The following RASSF4 variants were observed in gnomAD, a reference collection of about 807,000 sequenced individuals.
RASSF4 encodes the protein ras association domain-containing protein 4.
In RASSF4, 38 loss-of-function variants were observed where a neutral mutation model predicts 41.1. The ratio of observed to expected loss-of-function variants is 0.92; its 90% confidence interval spans 0.71 to 1.21. RASSF4 has a LOEUF of 1.21. Among genes scored for constraint, RASSF4 ranks in the 50% most tolerant of loss-of-function variants. RASSF4 has a pLI of 0.00. For synonymous variants in RASSF4, 179 were observed against 163.4 expected, an observed-to-expected ratio of 1.10 and a Z score of -0.73; for missense variants, 414 against 419.4, an observed-to-expected ratio of 0.99 and a Z score of 0.11.
At chr10:44,963,832 T>C (rs1168572253) in intron 1 of RASSF4, among the ~76,000 whole-genome samples, 1 of 152,248 alleles carries the variant, frequency 6.6e-6, no homozygotes. Flanking sequence ...TTTTCCCTTT[T>C]GCCAAGTGAG....
At chr10:44,977,832 G>T (rs754174206) in intron 3 of RASSF4, 2 of 1,606,090 alleles carry the variant, frequency 1.2e-6, no homozygotes, top group Admixed American at 3.4e-5. Flanking sequence ...GCTGGCCTGT[G>T]GGGTGGCCTG....
At chr10:44,972,240 G>A (rs552990072) in intron 3 of RASSF4, among the ~76,000 whole-genome samples, 10 of 152,208 alleles carry the variant, frequency 6.6e-5, no homozygotes, top group Middle Eastern at 3.4e-3. Context: ...TGCTGGTCCC[G>A]CCACATATCT....
At chr10:44,960,855 A>T (rs1588775976) in intron 1 of RASSF4, among the ~76,000 whole-genome samples, 1 of 152,328 alleles carries the variant, frequency 6.6e-6, no homozygotes. Context: ...TTAACTGCCC[A>T]CAGTACTAAG....
At chr10:44,971,215 C>G (rs1224370940) in intron 2 of RASSF4, 1 of 327,006 alleles carries the variant, frequency 3.1e-6, no homozygotes, top group East Asian at 8.3e-5. Flanking sequence ...GCTTTCCCTT[C>G]GGGAAGGGAG....
chr10:44,967,229 A>C (rs551085142), intron 1 of RASSF4, among the ~76,000 whole-genome samples: 2 of 152,266 alleles, frequency 1.3e-5, no homozygotes, highest in East Asian at 1.9e-4. Context: ...CTTGAAACAC[A>C]TGGCTTTCTG....
At chr10:44,960,771 T>C (rs1218538748) in intron 1 of RASSF4, among the ~76,000 whole-genome samples, 1 of 152,234 alleles carries the variant, frequency 6.6e-6, no homozygotes, top group Non-Finnish European at 1.5e-5. Context: ...TTCTGGAATT[T>C]GAACCCAAGC....
chr10:44,983,211 G>A (rs1841787047), intron 4 of RASSF4: 2 of 343,386 alleles, frequency 5.8e-6, no homozygotes, highest in South Asian at 4.6e-5. Flanking sequence ...TAGTAGCTGG[G>A]CCTTGCCTGC....
chr10:44,968,514 C>T (rs542368556), intron 1 of RASSF4, among the ~76,000 whole-genome samples: 1 of 152,336 alleles, frequency 6.6e-6, no homozygotes, highest in African/African-American at 2.4e-5. Context: ...CCCTCAAATC[C>T]TTCCCCTTCT....
intron 10 of RASSF4, 149 bp downstream of exon 10, chr10:44,992,151 T>C (rs1278112568): frequency 5.0e-6 from 3 of 599,468 alleles, no homozygotes; most frequent in East Asian, 5.6e-5. Flanking sequence ...CTCCCCAGCA[T>C]CACCCTCTGG....
At chr10:44,969,933 G>C (rs1236816598) in intron 1 of RASSF4, among the ~76,000 whole-genome samples, 1 of 152,214 alleles carries the variant, frequency 6.6e-6, no homozygotes, top group South Asian at 2.1e-4. Context: ...TGGGGTGGGC[G>C]GCTGAAAGGA....
At chr10:44,985,573 T>C (rs1407489432) in intron 6 of RASSF4, among the ~76,000 whole-genome samples, 1 of 152,236 alleles carries the variant, frequency 6.6e-6, no homozygotes, top group Non-Finnish European at 1.5e-5. Flanking sequence ...TGACAGGCCA[T>C]ATCTTTCCCT....
At chr10:44,963,603 C>A (rs566393593) in intron 1 of RASSF4, among the ~76,000 whole-genome samples, 2 of 152,336 alleles carry the variant, frequency 1.3e-5, no homozygotes, top group Non-Finnish European at 1.5e-5. Context: ...CACTTGCTGT[C>A]CTCCACCAGC....
intron 6 of RASSF4, among the ~76,000 whole-genome samples, chr10:44,988,892 G>A (rs191612359): frequency 2.4e-3 from 364 of 152,338 alleles, no homozygotes; most frequent in Non-Finnish European, 4.0e-3. Flanking sequence ...CTGGGAGAAT[G>A]AAGAGGAGGA....
Position 44,984,012 on chromosome 10 carries a change from C to G in RASSF4, c.282-10C>G. The G allele has an allele frequency of 6.3e-7, 1 of 1,589,316 alleles. No individual in the cohort carries two copies. The highest frequency in any genetic ancestry group is 1.2e-5 in the South Asian group (1 of 86,944). On this transcript the variant is annotated splice_polypyrimidine_tract_variant and intron_variant, in intron 4 of 10. Transcript: ENST00000340258. ...GCAGCCATCTCAGCCCTGCAGTTGTCTGTTTTCAGAAAGGAGCCATCGCCC... is the reference window on the plus strand; with the variant it reads ...GCAGCCATCTCAGCCCTGCAGTTGTGTGTTTTCAGAAAGGAGCCATCGCCC...
At chr10:44,993,105 C>T (rs1369222613) in intron 10 of RASSF4, among the ~76,000 whole-genome samples, 164 bp from the exon 11 acceptor site, 10 of 152,340 alleles carry the variant, frequency 6.6e-5, no homozygotes, top group Middle Eastern at 3.4e-3. Flanking sequence ...GGTTTGACTG[C>T]ACCTCATGAG....
chr10:44,960,998 G>C (rs1412599024), intron 1 of RASSF4, among the ~76,000 whole-genome samples: 1 of 152,170 alleles, frequency 6.6e-6, no homozygotes, highest in Non-Finnish European at 1.5e-5. Context: ...TGCCAGGACA[G>C]CAGGTTAGGG....
chr10:44,978,307 A>G (rs1392658786), intron 3 of RASSF4: 2 of 397,238 alleles, frequency 5.0e-6, no homozygotes, highest in Non-Finnish European at 9.0e-6. Context: ...CCTAACAAAC[A>G]CTGGTCAGAG....
At chr10:44,963,789 T>G (rs1057222506) in intron 1 of RASSF4, among the ~76,000 whole-genome samples, 10 of 152,248 alleles carry the variant, frequency 6.6e-5, no homozygotes, top group African/African-American at 2.4e-4. Context: ...TTCACAGATA[T>G]GCTTAGAACA....
intron 8 of RASSF4, chr10:44,990,713 C>T: frequency 2.6e-6 from 1 of 388,154 alleles, no homozygotes; most frequent in Non-Finnish European, 4.7e-6. Flanking sequence ...GTATCTTCTT[C>T]TTCTCAATTG....
Sources: allele counts gnomAD v4.1 joint callset (sites outside exome capture counted in the v4.1 genomes callset), GRCh38; gene constraint gnomAD v4.1.1; transcripts MANE v1.5; gene names NCBI Gene and HGNC (gene_info 2026-07-23, HGNC 2026-07-21).